SLC37A1: variants seen among roughly 807,000 people sequenced by gnomAD.
SLC37A1 encodes the protein glucose-6-phosphate exchanger SLC37A1.
A neutral mutation model predicts 75.3 loss-of-function variants in SLC37A1; 49 were observed. The ratio of observed to expected loss-of-function variants is 0.65; its 90% CI spans 0.52 to 0.83. SLC37A1 has a LOEUF of 0.83. Ranked by LOEUF, SLC37A1 falls within the 40% of genes least tolerant of loss-of-function variation. The pLI is 0.00. For missense variants in SLC37A1, 566 were observed against 695.0 expected (o/e 0.81, Z 2.09); for synonymous variants, 268 against 292.1 (o/e 0.92, Z 0.84).
At position 42,545,883 on chromosome 21, in the gene SLC37A1, C is replaced by T. The variant is rs1046228628; in HGVS notation, c.731-1220C>T. The stretch of plus-strand genomic sequence containing the variant: ...GGGCGACGCACCCCACAGCCAGCCA[C>T]GGACCTCTGGGTGCAGACCCACCTG... On this transcript the variant is annotated intron_variant, in intron 8 of 19. Coordinates refer to ENST00000352133, the MANE Select transcript of SLC37A1 (RefSeq NM_001320537.2). The surrounding 1 kb of genome is among the most constrained non-coding windows in gnomAD (Gnocchi z 4.0). 2.9e-4 allele frequency among the ~76,000 whole-genome samples: 44 copies of T among 152,272 alleles called. No individual in the cohort carries two copies. Among genetic ancestry groups the T allele is most frequent in the African/African-American group, 1.1e-3 (44 of 41,476 alleles).
chr21:42,543,076 C>A (rs932870752), intron 7 of SLC37A1, among the ~76,000 whole-genome samples: 1 of 152,214 alleles, frequency 6.6e-6, no homozygotes, highest in African/African-American at 2.4e-5. Flanking sequence ...GTGTGTGCAT[C>A]CATGAGTTTT....
Position 42,580,449 on chromosome 21 carries a change from A to G in SLC37A1, c.*89A>G, listed in dbSNP as rs578133798. 2 of 1,432,920 alleles carry G rather than the reference A, an allele frequency of 1.4e-6. No individual in the cohort carries two copies. Among genetic ancestry groups the G allele is most frequent in the African/African-American group, 2.8e-5 (2 of 70,882 alleles). 88.8% of individuals were successfully genotyped at this position (1,432,920 alleles called of 1,614,324 possible). A position where few individuals can be genotyped will look rare whatever the true frequency, so the allele number is the denominator to read the frequency against. On this transcript the variant is annotated 3_prime_UTR_variant, in exon 20 of 20. Coordinates refer to ENST00000352133, the MANE Select transcript of SLC37A1 (RefSeq NM_001320537.2). Reference sequence around the variant, plus strand: ...GTTCAGACAAAGGGCCCTGCATGGAAAGAGTGACCTCCCTTTGCCTTTTGC... The same window carrying G: ...GTTCAGACAAAGGGCCCTGCATGGAGAGAGTGACCTCCCTTTGCCTTTTGC...
chr21:42,579,648 T>G lies in SLC37A1; in HGVS notation c.1522-88T>G. 4 of 1,309,974 alleles carry G rather than the reference T, an allele frequency of 3.1e-6. No individual in the cohort carries two copies. In the South Asian group the frequency reaches 5.1e-5, roughly 17 times the overall value. The allele number at this position is 1,309,974 out of a possible 1,614,324, so 81.1% of individuals were successfully genotyped here. ...GGGGAGAGAGCCACCCGCCCAGGCC[T>G]TGCGGGCCAGGTCCTCATGGTGCCC... is the stretch of plus-strand genomic sequence containing the variant. On this transcript the variant is annotated intron_variant, in intron 18 of 19. Coordinates refer to ENST00000352133, the MANE Select transcript of SLC37A1 (RefSeq NM_001320537.2).
At chr21:42,534,861 G>T (rs375406772) in intron 4 of SLC37A1, 31 bp downstream of exon 4, 1 of 1,603,774 alleles carries the variant, frequency 6.2e-7, no homozygotes, top group Non-Finnish European at 8.5e-7. Context: ...TCCAGGAGCC[G>T]AAGCGGCTGT....
chr21:42,542,836 C>T (rs1601715196), intron 7 of SLC37A1, among the ~76,000 whole-genome samples: 1 of 152,278 alleles, frequency 6.6e-6, no homozygotes, highest in Non-Finnish European at 1.5e-5. Context: ...ACCTGGGTCA[C>T]CCAGCGCACA....
intron 8 of SLC37A1, among the ~76,000 whole-genome samples, chr21:42,544,849 C>T (rs1317439445): frequency 6.6e-6 from 1 of 152,204 alleles, no homozygotes; most frequent in Non-Finnish European, 1.5e-5. Flanking sequence ...GTTTGAGACA[C>T]CAGCCACCCG....
At chr21:42,512,620 G>T (rs1253439156), upstream of SLC37A1, among the ~76,000 whole-genome samples, 8 of 152,236 alleles carry the variant, frequency 5.3e-5, no homozygotes. Flanking sequence ...AGAGAAAGAA[G>T]GTCTGAAGAA....
intron 17 of SLC37A1, among the ~76,000 whole-genome samples, chr21:42,573,852 C>T (rs933358075): frequency 2.6e-5 from 4 of 152,048 alleles, no homozygotes; most frequent in African/African-American, 9.7e-5. Flanking sequence ...GCACCAGATG[C>T]TACAAAACAC....
chr21:42,531,368 C>T (rs958438387), intron 3 of SLC37A1, among the ~76,000 whole-genome samples: 8 of 145,224 alleles, frequency 5.5e-5, no homozygotes, highest in African/African-American at 2.0e-4. Flanking sequence ...GTTGCATGGA[C>T]GCTTTAGCAG....
chr21:42,501,872 G>T (rs2054345063), intron 1 of SLC37A1, among the ~76,000 whole-genome samples: 1 of 152,170 alleles, frequency 6.6e-6, no homozygotes, highest in Non-Finnish European at 1.5e-5. Flanking sequence ...AGCAGTTGTG[G>T]TGGGAGATCC....
In SLC37A1 at chr21:42,554,092, A is replaced by C; in HGVS notation, c.799A>C (p.Arg267=). 3 of 1,613,836 alleles carry C rather than the reference A, an allele frequency of 1.9e-6. No homozygotes were observed. In the South Asian group the frequency reaches 3.3e-5, roughly 18 times the overall value. ...AAAAGGCTATGAGAATGGTACAAAC[A>C]GATTGAGACTCCAGAAGCAAATCTT... The part of the protein sequence containing the change: ...HSKGYENGTN[R]LRLQKQILKS... The change falls in exon 10 of 20, where the codon AGA becomes CGA. Residue 267 remains arginine (R), a synonymous_variant. Transcript: ENST00000352133.
chr21:42,562,156 A>G lies in SLC37A1; in HGVS notation c.1060A>G (p.Ile354Val), dbSNP rs2055846294. Residue 354 changes from isoleucine (I) to valine (V), a missense_variant, in exon 12 of 20, where the codon ATC (isoleucine) becomes GTC (valine). Coordinates refer to ENST00000352133, the MANE Select transcript of SLC37A1 (RefSeq NM_001320537.2). ...TTTCCTCTTCTGGCTGCCCCTGTAC[A>G]TCACGAATGTGGGTGAGTATCCACG... ...YTFLFWLPLYITNVDHLDAKK... is the reference protein window; with the variant it reads ...YTFLFWLPLYVTNVDHLDAKK... 1 of 1,614,136 alleles carries G rather than the reference A, an allele frequency of 6.2e-7. No homozygotes were observed. Among genetic ancestry groups the G allele is most frequent in the Non-Finnish European group, 8.5e-7 (1 of 1,180,014 alleles).
intron 2 of SLC37A1, among the ~76,000 whole-genome samples, chr21:42,519,516 C>A (rs1056113947): frequency 6.6e-6 from 1 of 152,196 alleles, no homozygotes; most frequent in African/African-American, 2.4e-5. Context: ...TTGGGGAACT[C>A]TGCTTTTCAG....
Position 42,569,643 on chromosome 21 carries a change from C to T in SLC37A1, c.1423+1205C>T, listed in dbSNP as rs1334592197. Among the ~76,000 whole-genome samples, 6 of 152,240 alleles carry T rather than the reference C, an allele frequency of 3.9e-5. No individual in the cohort carries two copies. The South Asian group carries it at 1.0e-3, about 26-fold the overall frequency. On this transcript the variant is annotated intron_variant, in intron 17 of 19. Coordinates refer to ENST00000352133, the MANE Select transcript of SLC37A1 (RefSeq NM_001320537.2). ...CCTGCTGAGAACGCGTGAACCCTTCCGACTCGGCCTCCAGGCCCCTCTCCC... is the reference window on the plus strand; with the variant it reads ...CCTGCTGAGAACGCGTGAACCCTTCTGACTCGGCCTCCAGGCCCCTCTCCC...
chr21:42,550,962 A>G (rs59733091), intron 9 of SLC37A1, among the ~76,000 whole-genome samples: 4,922 of 152,290 alleles, frequency 0.032, 265 homozygotes, highest in African/African-American at 0.11. Context: ...CACACCTCAC[A>G]GTGTGCTTAA....
At position 42,517,511 on chromosome 21, in the gene SLC37A1, T is replaced by C. The variant is rs113961566; in HGVS notation, c.-178-766T>C. ...GAATGTGCATTTTTGGAAGCTCACTTTCGAGGGAGGCAAAAGTGAATGTGG... is the reference window on the plus strand; with the variant it reads ...GAATGTGCATTTTTGGAAGCTCACTCTCGAGGGAGGCAAAAGTGAATGTGG... On this transcript the variant is annotated intron_variant, in intron 1 of 19. Coordinates refer to ENST00000352133, the MANE Select transcript of SLC37A1 (RefSeq NM_001320537.2). Among the ~76,000 whole-genome samples, 170 of 152,312 alleles carry C rather than the reference T, an allele frequency of 1.1e-3. 2 individuals are homozygous for C. The highest frequency in any genetic ancestry group is 3.8e-3 in the African/African-American group (160 of 41,566).
intron 17 of SLC37A1, among the ~76,000 whole-genome samples, chr21:42,571,823 A>T (rs1427793656): frequency 2.0e-5 from 3 of 151,246 alleles, no homozygotes; most frequent in African/African-American, 2.4e-5. Flanking sequence ...CCTCTTTTTC[A>T]CATTTCCGAC....
intron 2 of SLC37A1, among the ~76,000 whole-genome samples, chr21:42,519,991 TG>T (rs1232221673): frequency 2.0e-5 from 3 of 151,546 alleles, no homozygotes; most frequent in African/African-American, 4.9e-5. Context: ...TGTGCATGTG[TG>T]TAGATGTATG....
At chr21:42,513,473 G>T (rs867364960), upstream of SLC37A1, among the ~76,000 whole-genome samples, 12 of 152,208 alleles carry the variant, frequency 7.9e-5, no homozygotes, top group South Asian at 2.1e-4. Context: ...CTCTTTGGGG[G>T]TGGGGGCGCG....
Sources: allele counts gnomAD v4.1 joint callset (sites outside exome capture counted in the v4.1 genomes callset), GRCh38; gene constraint gnomAD v4.1.1; non-coding constraint Gnocchi (gnomAD v3.1); transcripts MANE v1.5; gene names NCBI Gene and HGNC (gene_info 2026-07-23, HGNC 2026-07-21).